NT5DC3: variants seen among roughly 807,000 people sequenced by gnomAD.
NT5DC3 encodes 5'-nucleotidase domain-containing protein 3.
In NT5DC3, 42 loss-of-function variants were observed where a neutral mutation model predicts 67.8. The ratio of observed to expected loss-of-function variants is 0.62; its 90% CI spans 0.48 to 0.80. The LOEUF (loss-of-function observed/expected upper bound fraction) is 0.80, where lower values mean the gene tolerates loss of function less well. Ranked by LOEUF, NT5DC3 falls within the 30% of genes least tolerant of loss-of-function variation. NT5DC3 has a pLI of 0.00. For synonymous variants in NT5DC3, 237 were observed against 255.6 expected, an observed-to-expected ratio of 0.93 and a Z score of 0.69; for missense variants, 570 against 696.4, an observed-to-expected ratio of 0.82 and a Z score of 2.04.
the NT5DC3 span, chr12:103,753,460 G>A: frequency 2.0e-6 from 3 of 1,476,256 alleles, no homozygotes; most frequent in South Asian, 1.2e-5. Context: ...AAGCAAGGGA[G>A]TGCAGGTAGC....
At chr12:103,756,999 ATATATAT>A in the NT5DC3 span, among the ~76,000 whole-genome samples, 2,663 of 47,254 alleles carry the variant, frequency 0.056, 56 homozygotes, top group Non-Finnish European at 0.072. Flanking sequence ...GAGGGAAAAT[ATATATAT>A]ATATATATAT....
intron 2 of NT5DC3, among the ~76,000 whole-genome samples, chr12:103,812,404 T>C (rs1381387241): frequency 6.6e-6 from 1 of 152,200 alleles, no homozygotes. Flanking sequence ...ATTATAACTA[T>C]AGTTTTATCA....
At chr12:103,797,300 T>C (rs1485034022) in intron 5 of NT5DC3, among the ~76,000 whole-genome samples, 1 of 151,770 alleles carries the variant, frequency 6.6e-6, no homozygotes, top group Non-Finnish European at 1.5e-5. Context: ...TGAAACCCCG[T>C]CTCTACTAAA....
chr12:103,782,429 T>C (rs560008444), intron 12 of NT5DC3, among the ~76,000 whole-genome samples: 1 of 152,302 alleles, frequency 6.6e-6, no homozygotes, highest in East Asian at 1.9e-4. Context: ...AATTTCAGTG[T>C]CCACCAATAA....
At chr12:103,797,580 C>T (rs1036041252) in intron 5 of NT5DC3, among the ~76,000 whole-genome samples, 3 of 152,128 alleles carry the variant, frequency 2.0e-5, no homozygotes, top group Non-Finnish European at 4.4e-5. Context: ...CCCTGATTTC[C>T]CCCAGAGTCT....
intron 1 of NT5DC3, among the ~76,000 whole-genome samples, chr12:103,815,723 A>G (rs557931287): frequency 1.3e-5 from 2 of 152,260 alleles, no homozygotes; most frequent in East Asian, 3.9e-4. Flanking sequence ...TACCTGGCCA[A>G]TGGTGATGGT....
At chr12:103,779,868 T>C (rs75256980) in intron 13 of NT5DC3, among the ~76,000 whole-genome samples, 3 of 152,228 alleles carry the variant, frequency 2.0e-5, no homozygotes, top group Middle Eastern at 3.4e-3. Context: ...ATTCTTGAAA[T>C]AGCTGTGGTT....
the NT5DC3 span, chr12:103,763,267 T>G: frequency 1.5e-5 from 8 of 543,950 alleles, no homozygotes; most frequent in Non-Finnish European, 2.3e-5. Context: ...ATGCCCTATG[T>G]GCCGATTTGG....
At chr12:103,808,109 T>C (rs965560490) in intron 2 of NT5DC3, among the ~76,000 whole-genome samples, 1 of 152,176 alleles carries the variant, frequency 6.6e-6, no homozygotes, top group African/African-American at 2.4e-5. Context: ...CTTACTTCTC[T>C]CCCTAAATCT....
chr12:103,783,880 G>T (rs1032747015), intron 12 of NT5DC3, among the ~76,000 whole-genome samples: 1 of 151,970 alleles, frequency 6.6e-6, no homozygotes, highest in South Asian at 2.1e-4. Flanking sequence ...AGCTGCCAGG[G>T]TCACAGAGAT....
chr12:103,752,463 T>C, the NT5DC3 span, among the ~76,000 whole-genome samples: 1 of 152,248 alleles, frequency 6.6e-6, no homozygotes, highest in Non-Finnish European at 1.5e-5. Context: ...AATATAAAAA[T>C]GTGACTTGCT....
chr12:103,756,908 G>A, the NT5DC3 span, among the ~76,000 whole-genome samples: 1 of 150,854 alleles, frequency 6.6e-6, no homozygotes, highest in East Asian at 2.0e-4. Context: ...GCTTACAACA[G>A]CATTTCAAAG....
At chr12:103,760,076 T>C in the NT5DC3 span, among the ~76,000 whole-genome samples, 4 of 152,192 alleles carry the variant, frequency 2.6e-5, no homozygotes, top group Non-Finnish European at 5.9e-5. Flanking sequence ...ATCCATTTCG[T>C]CATCTACTCC....
At chr12:103,769,141 A>C (rs1885128266), downstream of NT5DC3, among the ~76,000 whole-genome samples, 1 of 152,092 alleles carries the variant, frequency 6.6e-6, no homozygotes, top group Non-Finnish European at 1.5e-5. Flanking sequence ...AACTTGCCCT[A>C]GAGTCTGAAG....
intron 1 of NT5DC3, among the ~76,000 whole-genome samples, chr12:103,829,940 A>T (rs903809922): frequency 6.6e-6 from 1 of 152,032 alleles, no homozygotes; most frequent in African/African-American, 2.4e-5. Flanking sequence ...CTAGATATAC[A>T]ATTCTAAATT....
At chr12:103,805,589 T>C (rs1381644109) in intron 4 of NT5DC3, among the ~76,000 whole-genome samples, 1 of 152,154 alleles carries the variant, frequency 6.6e-6, no homozygotes, top group Non-Finnish European at 1.5e-5. Context: ...CTCATGCCTG[T>C]AATCCCAGCA....
intron 1 of NT5DC3, among the ~76,000 whole-genome samples, chr12:103,831,613 G>A (rs1040351461): frequency 6.6e-6 from 1 of 152,058 alleles, no homozygotes; most frequent in Non-Finnish European, 1.5e-5. Flanking sequence ...GAAGCACTCT[G>A]TGGCCACCAG....
the NT5DC3 span, among the ~76,000 whole-genome samples, chr12:103,750,919 C>T: frequency 6.6e-6 from 1 of 152,216 alleles, no homozygotes; most frequent in African/African-American, 2.4e-5. Flanking sequence ...GGCAAAACCC[C>T]ATCTCTACTA....
chr12:103,748,558 G>T, the NT5DC3 span, among the ~76,000 whole-genome samples: 3 of 150,148 alleles, frequency 2.0e-5, no homozygotes, highest in Admixed American at 1.3e-4. Flanking sequence ...ATCTCACAGG[G>T]TGCTCAATAT....
Sources: allele counts gnomAD v4.1 joint callset (sites outside exome capture counted in the v4.1 genomes callset), GRCh38; gene constraint gnomAD v4.1.1; transcripts MANE v1.5; gene names NCBI Gene and HGNC (gene_info 2026-07-23, HGNC 2026-07-21).